Variants in AUH observed in about 807,000 individuals in gnomAD.
The protein encoded by AUH is AU RNA binding methylglutaconyl-CoA hydratase, also known as methylglutaconyl-CoA hydratase, mitochondrial.
Under a neutral mutation model 42.3 loss-of-function variants are expected in AUH, and 29 were observed. That is an observed-to-expected ratio of 0.69 (90% CI 0.51 to 0.93). AUH has a LOEUF of 0.93. Ranked by LOEUF, AUH falls within the 40% of genes least tolerant of loss-of-function variation. The pLI, the probability that AUH is intolerant of heterozygous loss-of-function variation, is 0.00. For synonymous variants in AUH, 174 were observed against 166.4 expected, an observed-to-expected ratio of 1.05 and a Z score of -0.35; for missense variants, 452 against 438.1, an observed-to-expected ratio of 1.03 and a Z score of -0.28.
chr9:91,244,066 T>C (rs60908817), intron 6 of AUH, among the ~76,000 whole-genome samples: 4,463 of 152,240 alleles, frequency 0.029, 112 homozygotes, highest in African/African-American at 0.066. Context: ...CTCTAAGACA[T>C]ATCTCAAGAA....
intron 4 of AUH, among the ~76,000 whole-genome samples, chr9:91,324,126 G>T (rs992147326): frequency 6.6e-6 from 1 of 152,054 alleles, no homozygotes; most frequent in Admixed American, 6.6e-5. Context: ...TAAACACAAA[G>T]AATATAAAAA....
rs1256918150 is a variant in AUH, at chr9:91,286,490, TA to T, written c.655+9530del. Among the ~76,000 whole-genome samples, 5 of 152,140 alleles carry T rather than the reference TA, an allele frequency of 3.3e-5. No individual in the cohort carries two copies. In the East Asian group the frequency reaches 9.6e-4, roughly 29 times the overall value. ...TTCTTTTCCTGAAAAGTTTCTAAGATAATCCTAAAAATATGCCCACATTTGT... is the reference window on the plus strand; with the variant it reads ...TTCTTTTCCTGAAAAGTTTCTAAGATATCCTAAAAATATGCCCACATTTGT... On this transcript the variant is annotated intron_variant, in intron 6 of 9. Coordinates refer to ENST00000375731, the MANE Select transcript of AUH (RefSeq NM_001698.3).
chr9:91,291,702 T>C (rs1378276859), intron 6 of AUH, among the ~76,000 whole-genome samples: 1 of 152,240 alleles, frequency 6.6e-6, no homozygotes, highest in Non-Finnish European at 1.5e-5. Context: ...TTTAAATTTC[T>C]ACCTATCAGA....
chr9:91,255,480 G>T (rs1441495906), intron 6 of AUH, among the ~76,000 whole-genome samples: 1 of 152,168 alleles, frequency 6.6e-6, no homozygotes, highest in Non-Finnish European at 1.5e-5. Context: ...CACTACAAAA[G>T]AATGTAGTTT....
chr9:91,337,897 A>T (rs906954115), intron 3 of AUH, among the ~76,000 whole-genome samples: 3 of 152,242 alleles, frequency 2.0e-5, no homozygotes, highest in Admixed American at 6.5e-5. Flanking sequence ...GAGAGGATCA[A>T]GTGAGATTAA....
chr9:91,214,176 A>G lies in AUH; in HGVS notation c.*172T>C, dbSNP rs772766107. On this transcript the variant is annotated 3_prime_UTR_variant, in exon 10 of 10. Transcript: ENST00000375731. ...ATCTGAATGAATATGACATTTACAC[A>G]TTTGAATGAAGTACACGGATGGGTC... The G allele has an allele frequency of 2.0e-5, 13 of 637,204 alleles. No individual in the cohort carries two copies. Among genetic ancestry groups the G allele is most frequent in the Non-Finnish European group, 3.4e-5 (12 of 352,026 alleles). The allele number at this position is 637,204 out of a possible 1,614,324, so 39.5% of individuals were successfully genotyped here.
intron 6 of AUH, among the ~76,000 whole-genome samples, chr9:91,232,458 C>G (rs1587653371): frequency 2.0e-5 from 3 of 152,096 alleles, no homozygotes; most frequent in Admixed American, 2.0e-4. Context: ...TTTTAAAAAA[C>G]AAGTGCCTCA....
intron 4 of AUH, among the ~76,000 whole-genome samples, chr9:91,321,563 T>C (rs543410676): frequency 1.3e-5 from 2 of 152,244 alleles, no homozygotes; most frequent in South Asian, 4.1e-4. Context: ...CATCAAGTTG[T>C]TCAAATTAGA....
intron 6 of AUH, among the ~76,000 whole-genome samples, chr9:91,273,286 A>C (rs1825298445): frequency 6.6e-6 from 1 of 152,194 alleles, no homozygotes; most frequent in African/African-American, 2.4e-5. Context: ...AAAAACACAC[A>C]CATGCACACA....
chr9:91,318,938 T>C (rs1320807020), intron 4 of AUH, among the ~76,000 whole-genome samples: 2 of 152,234 alleles, frequency 1.3e-5, no homozygotes, highest in East Asian at 3.8e-4. Context: ...TTTTGGCTTC[T>C]TTCTACAAGC....
intron 3 of AUH, among the ~76,000 whole-genome samples, chr9:91,341,736 A>G (rs1831118822): frequency 6.6e-6 from 1 of 152,204 alleles, no homozygotes; most frequent in Non-Finnish European, 1.5e-5. Context: ...CAACGAAAGG[A>G]GCTTATCTGC....
At chr9:91,360,488 A>C (rs1832765628) in intron 1 of AUH, 1 of 152,264 alleles carries the variant, frequency 6.6e-6, no homozygotes, top group Non-Finnish European at 1.5e-5. Context: ...CTCCTGAAGC[A>C]CTGCTACGTG....
At chr9:91,341,293 A>G (rs146412808) in intron 3 of AUH, among the ~76,000 whole-genome samples, 3 of 152,188 alleles carry the variant, frequency 2.0e-5, no homozygotes, top group Non-Finnish European at 4.4e-5. Flanking sequence ...CCAGCTGCCC[A>G]CCCACTAGGG....
chr9:91,282,974 C>T (rs1826095155), intron 6 of AUH, among the ~76,000 whole-genome samples: 1 of 152,184 alleles, frequency 6.6e-6, no homozygotes, highest in South Asian at 2.1e-4. Flanking sequence ...AGGCCAGCAT[C>T]ATCCTGATAC....
chr9:91,356,021 C>T, intron 2 of AUH, 51 bp from the exon 3 acceptor site: 3 of 1,589,346 alleles, frequency 1.9e-6, no homozygotes, highest in South Asian at 1.1e-5. Context: ...AAAAACAAAA[C>T]ATTTTTACAT....
chr9:91,255,501 A>C (rs1829362852), intron 6 of AUH, among the ~76,000 whole-genome samples: 2 of 152,204 alleles, frequency 1.3e-5, no homozygotes, highest in Admixed American at 6.5e-5. Flanking sequence ...TTAAAAGAAA[A>C]AGCTTTGCCC....
intron 3 of AUH, among the ~76,000 whole-genome samples, chr9:91,329,498 T>G (rs961991405): frequency 5.3e-5 from 8 of 152,182 alleles, no homozygotes; most frequent in Middle Eastern, 3.2e-3. Flanking sequence ...TAATGACTAA[T>G]GAGGTTAAAC....
chr9:91,307,477 AAAAAATATTACACGGAAAAGTCC>A (rs1336592570), intron 4 of AUH, among the ~76,000 whole-genome samples: 4 of 152,202 alleles, frequency 2.6e-5, no homozygotes, highest in Admixed American at 1.3e-4. Flanking sequence ...AACCGCAGTT[AAAAAATATTACACGGAAAAGTCC>A]AAAAATAAAC....
chr9:91,361,860 C>T lies in AUH; in HGVS notation c.30G>A (p.Gly10=), dbSNP rs1832896903. 3 of 1,476,750 alleles carry T rather than the reference C, an allele frequency of 2.0e-6. No individual in the cohort carries two copies. The highest frequency in any genetic ancestry group is 2.6e-5 in the South Asian group (2 of 77,444). 91.5% of individuals were successfully genotyped at this position (1,476,750 alleles called of 1,614,324 possible). A position where few individuals can be genotyped will look rare whatever the true frequency, so the allele number is the denominator to read the frequency against. Residue 10 remains glycine (G), a synonymous_variant, in exon 1 of 10, where the codon GGG becomes GGA. Transcript: ENST00000375731. ...CGCCAGCATGCAGGGATCCCAAGGC[C>T]CCAGGTGCCGCCGCCACCGCGGCCG... MAAAVAAAP[G]ALGSLHAGGA... is the part of the protein sequence containing the mutation.
Sources: allele counts gnomAD v4.1 joint callset (sites outside exome capture counted in the v4.1 genomes callset), GRCh38; gene constraint gnomAD v4.1.1; transcripts MANE v1.5; gene names NCBI Gene and HGNC (gene_info 2026-07-23, HGNC 2026-07-21).